Variants in CREM observed in about 807,000 individuals in gnomAD.
CREM encodes the protein cAMP-responsive element modulator.
In CREM, 13 loss-of-function variants were observed where a neutral mutation model predicts 37.3. That is an observed-to-expected ratio of 0.35 (90% CI 0.23 to 0.55). CREM has a LOEUF of 0.55. CREM is among the 20% of genes least tolerant of loss of function. The pLI, the probability that CREM is intolerant of heterozygous loss-of-function variation, is 0.88. For synonymous variants in CREM, 124 were observed against 120.2 expected (o/e 1.03, Z -0.21); for missense variants, 296 against 362.3 (o/e 0.82, Z 1.49).
At chr10:35,205,957 TA>T (rs1188801499) in intron 6 of CREM, among the ~76,000 whole-genome samples, 18 of 140,138 alleles carry the variant, frequency 1.3e-4, no homozygotes, top group East Asian at 6.3e-4. Context: ...AGACTCTGTC[TA>T]AAAAAAAAAG....
Position 35,188,270 on chromosome 10 carries a change from A to G in CREM, c.480A>G (p.Ala160=). The change falls in exon 6 of 8, where the codon GCA becomes GCG. Residue 160 remains alanine, a synonymous_variant. Transcript: ENST00000685392. ...CTGATGGTGTTCAGGGACTGCAGGC[A>G]TTAACAATGACAAATTCAGGAGCTC... ...PGSDGVQGLQ[A]LTMTNSGAPP... 1 of 1,614,236 alleles carries G rather than the reference A, an allele frequency of 6.2e-7. No homozygotes were observed. The highest frequency in any genetic ancestry group is 2.2e-5 in the East Asian group (1 of 44,880).
At chr10:35,135,138 T>G (rs1168035832) in intron 1 of CREM, among the ~76,000 whole-genome samples, 1 of 152,202 alleles carries the variant, frequency 6.6e-6, no homozygotes, top group African/African-American at 2.4e-5. Flanking sequence ...AACTGTTGTT[T>G]TTGTAATCAT....
chr10:35,133,188 G>A (rs190531997), intron 1 of CREM, among the ~76,000 whole-genome samples: 74 of 152,042 alleles, frequency 4.9e-4, no homozygotes, highest in Admixed American at 8.5e-4. Context: ...TACATTTTTG[G>A]GTTTTTGAAA....
rs766990868 is a variant in CREM at position 35,178,968 on chromosome 10, C to T, written c.248C>T (p.Ser83Leu). Residue 83 changes from serine to leucine, a missense_variant, in exon 4 of 8, where the codon TCA (serine) becomes TTA (leucine). Physicochemically the swap from Ser to Leu is moderately radical, Grantham distance 145. Transcript: ENST00000685392. ...TCTCATAAACGTAGAGAAATCCTTT[C>T]ACGAAGACCCTCTTATAGGTAAGTT... ...IDSHKRREILSRRPSYRKILN... is the reference protein window; with the variant it reads ...IDSHKRREILLRRPSYRKILN... 3 of 1,611,242 alleles carry T rather than the reference C, an allele frequency of 1.9e-6. No individual in the cohort carries two copies. In the Admixed American group the frequency reaches 5.1e-5, roughly 27 times the overall value.
Position 35,148,361 on chromosome 10 carries a change from T to G in CREM, c.45-7T>G. On this transcript the variant is annotated splice_polypyrimidine_tract_variant and splice_region_variant and intron_variant, in intron 2 of 7. Transcript: ENST00000685392. ...TTAATTTGTCTTCCTTTTTATTGTC[T>G]TTTCAGACAAATGACCATGGAAACA... 5.0e-6 allele frequency: 8 copies of G among 1,607,750 alleles called. No individual in the cohort carries two copies. Among genetic ancestry groups the G allele is most frequent in the Non-Finnish European group, 6.8e-6 (8 of 1,177,676 alleles).
chr10:35,181,291 C>G (rs1293493375), intron 5 of CREM, among the ~76,000 whole-genome samples: 1 of 152,120 alleles, frequency 6.6e-6, no homozygotes, highest in Non-Finnish European at 1.5e-5. Flanking sequence ...ACTAAATTGC[C>G]AAACTCTGGG....
chr10:35,209,698 A>G (rs2095622172), intron 7 of CREM, among the ~76,000 whole-genome samples: 1 of 152,224 alleles, frequency 6.6e-6, no homozygotes, highest in South Asian at 2.1e-4. Flanking sequence ...CTAGAATTTA[A>G]TATAATTTAA....
chr10:35,137,196 A>G (rs2090679852), intron 1 of CREM, among the ~76,000 whole-genome samples: 1 of 151,624 alleles, frequency 6.6e-6, no homozygotes, highest in African/African-American at 2.4e-5. Context: ...TTAGTAAAAA[A>G]TAAAGAGAGT....
At chr10:35,205,285 A>T (rs997763939) in intron 6 of CREM, among the ~76,000 whole-genome samples, 2 of 152,240 alleles carry the variant, frequency 1.3e-5, no homozygotes, top group Non-Finnish European at 2.9e-5. Context: ...TAAACGCTGT[A>T]TTTTAACTGT....
chr10:35,196,358 G>A (rs1361696283), intron 6 of CREM: 1 of 502,254 alleles, frequency 2.0e-6, no homozygotes, highest in Non-Finnish European at 3.6e-6. Context: ...AGTGATTTTG[G>A]AAGACTTAGT....
intron 2 of CREM, among the ~76,000 whole-genome samples, chr10:35,144,225 C>T (rs894074591): frequency 6.6e-6 from 1 of 152,196 alleles, no homozygotes. Context: ...GGGATGGCTG[C>T]TGACCTTCCA....
At chr10:35,137,285 G>T (rs1435540256) in intron 1 of CREM, among the ~76,000 whole-genome samples, 1 of 152,086 alleles carries the variant, frequency 6.6e-6, no homozygotes, top group African/African-American at 2.4e-5. Context: ...AACTTATTTT[G>T]TTTGGAGTTT....
At chr10:35,204,372 C>CA (rs2095466748) in intron 6 of CREM, among the ~76,000 whole-genome samples, 1 of 152,100 alleles carries the variant, frequency 6.6e-6, no homozygotes. Context: ...GAGGCCAAGG[C>CA]AGGCAGATCA....
chr10:35,145,383 A>G (rs1564809476), intron 2 of CREM, among the ~76,000 whole-genome samples: 1 of 151,586 alleles, frequency 6.6e-6, no homozygotes, highest in Non-Finnish European at 1.5e-5. Context: ...GTGAAATCCT[A>G]CTCACCCTTC....
chr10:35,195,829 A>G, intron 6 of CREM: 1 of 534,458 alleles, frequency 1.9e-6, no homozygotes, highest in Non-Finnish European at 3.3e-6. Flanking sequence ...TGGAAAAGTT[A>G]AAACTCCAAG....
chr10:35,161,473 A>G (rs1305946880), intron 3 of CREM, among the ~76,000 whole-genome samples: 1 of 151,880 alleles, frequency 6.6e-6, no homozygotes, highest in Non-Finnish European at 1.5e-5. Flanking sequence ...CAGCCTGGGC[A>G]ACACAGCAAG....
intron 5 of CREM, among the ~76,000 whole-genome samples, chr10:35,183,651 T>A (rs1425363974): frequency 6.6e-6 from 1 of 152,260 alleles, no homozygotes; most frequent in East Asian, 1.9e-4. Context: ...CTGCTGTTTT[T>A]AAAGTTAATG....
At chr10:35,142,968 A>G (rs1024333556) in intron 2 of CREM, among the ~76,000 whole-genome samples, 6 of 152,120 alleles carry the variant, frequency 3.9e-5, no homozygotes, top group African/African-American at 1.4e-4. Flanking sequence ...TGGTGCAGGC[A>G]TAGAGGAGAT....
chr10:35,153,056 T>A (rs1165864637), intron 3 of CREM, among the ~76,000 whole-genome samples: 2 of 149,706 alleles, frequency 1.3e-5, no homozygotes, highest in African/African-American at 4.9e-5. Flanking sequence ...CTTGAGAGCT[T>A]GTCTCTTTAA....
Sources: allele counts gnomAD v4.1 joint callset (sites outside exome capture counted in the v4.1 genomes callset), GRCh38; gene constraint gnomAD v4.1.1; transcripts MANE v1.5; gene names NCBI Gene and HGNC (gene_info 2026-07-23, HGNC 2026-07-21).